The following GDPGP1 variants were observed in gnomAD, a reference collection of about 807,000 sequenced individuals.
GDPGP1 encodes the protein GDP-D-glucose phosphorylase 1.
GDPGP1 carries 18 observed loss-of-function variants against 19.2 expected under a neutral mutation model. The ratio of observed to expected loss-of-function variants is 0.94; its 90% CI spans 0.65 to 1.39. The LOEUF (loss-of-function observed/expected upper bound fraction) is 1.39, where lower values mean the gene tolerates loss of function less well. GDPGP1 is among the 40% of genes most tolerant of loss of function. GDPGP1 has a pLI of 0.00. For missense variants in GDPGP1, 449 were observed against 490.5 expected (o/e 0.92, Z 0.80); for synonymous variants, 219 against 208.9 (o/e 1.05, Z -0.42).
intron 3 of GDPGP1, among the ~76,000 whole-genome samples, chr15:90,239,690 T>C (rs1962709230): frequency 6.6e-6 from 1 of 152,192 alleles, no homozygotes; most frequent in Non-Finnish European, 1.5e-5. Context: ...GGTGGAGACA[T>C]AGCCAAACCA....
chr15:90,237,181 G>T (rs975462290), intron 2 of GDPGP1, among the ~76,000 whole-genome samples: 1 of 151,804 alleles, frequency 6.6e-6, no homozygotes, highest in Non-Finnish European at 1.5e-5. Context: ...GGCTGGTCTC[G>T]AACTCCTGAC....
At position 90,241,012 on chromosome 15, in the gene GDPGP1, A is replaced by T. The variant is rs141408568; in HGVS notation, c.104A>T (p.Asp35Val). The change falls in exon 4 of 4, where the codon GAT (aspartate) becomes GTT (valine). Residue 35 changes from aspartate to valine, a missense_variant. Coordinates refer to ENST00000329600, the MANE Select transcript of GDPGP1 (RefSeq NM_001013657.3). ...TIPDFVYGQKDLMAEGIQWPR... is the reference protein window; with the variant it reads ...TIPDFVYGQKVLMAEGIQWPR... ...CCTGACTTTGTTTATGGGCAGAAGG[A>T]TCTCATGGCAGAAGGGATTCAGTGG... is the stretch of plus-strand genomic sequence containing the variant. 4.3e-6 allele frequency: 7 copies of T among 1,613,832 alleles called. No individual in the cohort carries two copies. The highest frequency in any genetic ancestry group is 5.9e-6 in the Non-Finnish European group (7 of 1,179,922).
At chr15:90,237,442 C>T (rs929074619) in intron 2 of GDPGP1, among the ~76,000 whole-genome samples, 3 of 151,950 alleles carry the variant, frequency 2.0e-5, no homozygotes, top group South Asian at 2.1e-4. Flanking sequence ...CCCACCACCA[C>T]GCCCAGCTAA....
chr15:90,241,301 C>G lies in GDPGP1; in HGVS notation c.393C>G (p.Pro131=). 6.2e-7 allele frequency: 1 copy of G among 1,614,218 alleles called. No homozygotes were observed. The highest frequency in any genetic ancestry group is 8.5e-7 in the Non-Finnish European group (1 of 1,180,038). The change falls in exon 4 of 4, where the codon CCC becomes CCG. Residue 131 remains proline (P), a synonymous_variant. Transcript: ENST00000329600. ...AGTTCAACTTCAACAAGATCCGGCC[C>G]GGAGAAGTCCTCTTCCGTTTGCACC... ...PVQFNFNKIR[P]GEVLFRLHRE...
At position 90,242,296 on chromosome 15, in the gene GDPGP1, G is replaced by C; in HGVS notation, c.*230G>C. The C allele has an allele frequency of 4.3e-6, 1 of 230,760 alleles. No individual in the cohort carries two copies. Among genetic ancestry groups the C allele is most frequent in the Non-Finnish European group, 7.1e-6 (1 of 140,300 alleles). 14.3% of individuals were successfully genotyped at this position (230,760 alleles called of 1,614,324 possible). A position where few individuals can be genotyped will look rare whatever the true frequency, so the allele number is the denominator to read the frequency against. The stretch of plus-strand genomic sequence containing the variant: ...TTTTTTTTAACGATTAGGTGATTTT[G>C]TATTTTTTTATATAGACAGCGTTTC... On this transcript the variant is annotated 3_prime_UTR_variant, in exon 4 of 4. Coordinates refer to ENST00000329600, the MANE Select transcript of GDPGP1 (RefSeq NM_001013657.3).
At chr15:90,234,709 C>T (rs143356715) in intron 2 of GDPGP1, 113 bp downstream of exon 2, 1 of 152,190 alleles carries the variant, frequency 6.6e-6, no homozygotes, top group Admixed American at 6.5e-5. Flanking sequence ...CTTTTAAAGG[C>T]TCTCCACTGC....
intron 2 of GDPGP1, among the ~76,000 whole-genome samples, chr15:90,237,083 C>G (rs889228961): frequency 1.3e-5 from 2 of 151,792 alleles, no homozygotes; most frequent in Admixed American, 1.3e-4. Context: ...CTTAGCCTCC[C>G]GAGTAGCTGA....
chr15:90,240,865 C>CGTAA (rs1962737604), intron 3 of GDPGP1, 35 bp from the exon 4 acceptor site: 1 of 1,334,090 alleles, frequency 7.5e-7, no homozygotes, highest in African/African-American at 1.5e-5. Flanking sequence ...AGGTGGGTTA[C>CGTAA]CATCATGTGT....
rs142483004 is a variant in GDPGP1 at position 90,241,150 on chromosome 15, G to A, written c.242G>A (p.Arg81Gln). The change falls in exon 4 of 4, where the codon CGG becomes CAG. Residue 81 changes from arginine (R) to glutamine (Q), a missense_variant. Arg to Gln is a conservative substitution (Grantham distance 43). Coordinates refer to ENST00000329600, the MANE Select transcript of GDPGP1 (RefSeq NM_001013657.3). The part of the protein sequence containing the change: ...VELGLFRYRL[R>Q]ELQTQILPGA... ...CTGGGGCTGTTTCGCTACCGTCTAC[G>A]GGAGCTACAGACCCAAATCCTCCCT... 1.1e-5 allele frequency: 17 copies of A among 1,614,126 alleles called. No homozygotes were observed. The Admixed American group carries it at 1.2e-4, about 11-fold the overall frequency.
intron 2 of GDPGP1, among the ~76,000 whole-genome samples, chr15:90,238,160 C>T (rs1173161664): frequency 2.6e-5 from 4 of 152,016 alleles, no homozygotes; most frequent in Admixed American, 6.6e-5. Flanking sequence ...ATTAGCCGGG[C>T]GTGGTGACAC....
chr15:90,242,197 C>A lies in GDPGP1; in HGVS notation c.*131C>A. ...CCACCTCTGGGGCTGAAGTGATCCT[C>A]CCACCTCAGCCTCTTGAGTAGCTGA... On this transcript the variant is annotated 3_prime_UTR_variant, in exon 4 of 4. Transcript: ENST00000329600. The A allele has an allele frequency of 1.5e-6, 1 of 671,354 alleles. No individual in the cohort carries two copies. Among genetic ancestry groups the A allele is most frequent in the Non-Finnish European group, 2.4e-6 (1 of 409,208 alleles). The allele number at this position is 671,354 out of a possible 1,614,324, so 41.6% of individuals were successfully genotyped here. A position where few individuals can be genotyped will look rare whatever the true frequency, so the allele number is the denominator to read the frequency against.
At position 90,245,384 on chromosome 15, in the gene GDPGP1, A is replaced by T. The variant is rs890192444; in HGVS notation, c.*3318A>T. 6.6e-6 allele frequency: 1 copy of T among 151,446 alleles called. No individual in the cohort carries two copies. Among genetic ancestry groups the T allele is most frequent in the Admixed American group, 6.6e-5 (1 of 15,132 alleles). The allele number at this position is 151,446 out of a possible 1,614,324, so 9.4% of individuals were successfully genotyped here. ...GCTACTCAGGAGGCTGAGGCAGGAG[A>T]ATCGCTTGGACCTGGGAGGCGGAGG... is the stretch of plus-strand genomic sequence containing the variant. On this transcript the variant is annotated 3_prime_UTR_variant, in exon 4 of 4. Transcript: ENST00000329600.
At chr15:90,237,253 C>T (rs1962654582) in intron 2 of GDPGP1, among the ~76,000 whole-genome samples, 1 of 151,056 alleles carries the variant, frequency 6.6e-6, no homozygotes, top group African/African-American at 2.4e-5. Context: ...GCCACCGTGC[C>T]CGGACTTTAT....
chr15:90,240,838 A>G (rs913978380), intron 3 of GDPGP1, 62 bp from the exon 4 acceptor site: 6 of 1,035,008 alleles, frequency 5.8e-6, no homozygotes, highest in African/African-American at 1.6e-5. Flanking sequence ...ATAAATAAAT[A>G]CAATGACAAT....
At position 90,243,670 on chromosome 15, in the gene GDPGP1, T is replaced by TTG. The variant is rs1213826119; in HGVS notation, c.*1604_*1605insTG. On this transcript the variant is annotated 3_prime_UTR_variant, in exon 4 of 4. Coordinates refer to ENST00000329600, the MANE Select transcript of GDPGP1 (RefSeq NM_001013657.3). ...TTTTTTTTTTTTTTTTTTTTTTTTT[T>TTG]GACACAGGGTCACTGTCACCCAGGC... 9 of 96,276 alleles carry TTG rather than the reference T, an allele frequency of 9.3e-5. No homozygotes were observed. The highest frequency in any genetic ancestry group is 3.7e-4 in the Admixed American group (3 of 8,030). The allele number at this position is 96,276 out of a possible 1,614,324, so 6.0% of individuals were successfully genotyped here.
chr15:90,244,895 T>C lies in GDPGP1; in HGVS notation c.*2829T>C, dbSNP rs1417269016. On this transcript the variant is annotated 3_prime_UTR_variant, in exon 4 of 4. Transcript: ENST00000329600. The stretch of plus-strand genomic sequence containing the variant: ...ACCGCCACCACTCCTTCATCAAACA[T>C]CCTGAAGGAATGAGAGTCCCTGTTC... The C allele has an allele frequency of 3.3e-5, 5 of 152,030 alleles. No individual in the cohort carries two copies. Among genetic ancestry groups the C allele is most frequent in the African/African-American group, 9.7e-5 (4 of 41,382 alleles). 9.4% of individuals were successfully genotyped at this position (152,030 alleles called of 1,614,324 possible). A position where few individuals can be genotyped will look rare whatever the true frequency, so the allele number is the denominator to read the frequency against.
chr15:90,240,112 A>T (rs1326580827), intron 3 of GDPGP1, among the ~76,000 whole-genome samples: 8 of 145,022 alleles, frequency 5.5e-5, no homozygotes, highest in Non-Finnish European at 1.2e-4. Context: ...AATCCCAGCT[A>T]CTTGGGAGGC....
Position 90,240,977 on chromosome 15 carries a change from G to A in GDPGP1, c.69G>A (p.Arg23=), listed in dbSNP as rs779761328. 1.9e-4 allele frequency: 303 copies of A among 1,613,886 alleles called. No homozygotes were observed. Among genetic ancestry groups the A allele is most frequent in the Non-Finnish European group, 2.5e-4 (294 of 1,179,946 alleles). ...LLPPNNEDWG[R]QTIPDFVYGQ... ...CTCCCAACAATGAGGACTGGGGCAG[G>A]CAAACCATTCCTGACTTTGTTTATG... Residue 23 remains arginine (R), a synonymous_variant, in exon 4 of 4, where the codon AGG becomes AGA. Transcript: ENST00000329600.
At chr15:90,237,317 C>T (rs1962657445) in intron 2 of GDPGP1, among the ~76,000 whole-genome samples, 1 of 120,594 alleles carries the variant, frequency 8.3e-6, no homozygotes, top group Non-Finnish European at 1.6e-5. Context: ...GAGTCTTGCT[C>T]TGTCACCAGG....
Sources: gnomAD v4.1 joint callset for allele counts (sites outside exome capture counted in the v4.1 genomes callset) on GRCh38, gnomAD v4.1.1 for gene constraint, MANE v1.5 for transcripts, NCBI Gene and HGNC (gene_info 2026-07-23, HGNC 2026-07-21) for gene names.